EVL: variants seen among roughly 807,000 people sequenced by gnomAD.
EVL encodes the protein Enah/Vasp-like.
EVL carries 21 observed loss-of-function variants against 59.6 expected under a neutral mutation model. The ratio of observed to expected loss-of-function variants is 0.35; its 90% CI spans 0.25 to 0.51. EVL has a LOEUF of 0.51. Ranked by LOEUF, EVL falls within the 20% of genes least tolerant of loss-of-function variation. The probability of loss-of-function intolerance (pLI) is 0.97; values close to 1 mark genes in which losing one functional copy is unlikely to be tolerated. For missense variants in EVL, 462 were observed against 546.6 expected (o/e 0.85, Z 1.54); for synonymous variants, 198 against 203.5 (o/e 0.97, Z 0.23).
At chr14:99,991,729 T>G (rs1029832776) in intron 1 of EVL, among the ~76,000 whole-genome samples, 3 of 152,134 alleles carry the variant, frequency 2.0e-5, no homozygotes, top group Non-Finnish European at 4.4e-5. Context: ...TGCCAGCAAG[T>G]ATGCTTGGGG....
intron 1 of EVL, among the ~76,000 whole-genome samples, chr14:99,987,332 G>T (rs2060845922): frequency 6.6e-6 from 1 of 152,156 alleles, no homozygotes; most frequent in Admixed American, 6.6e-5. Flanking sequence ...TCATATATGG[G>T]ATTAGTGTCC....
At chr14:100,124,936 C>T (rs1395218038) in intron 4 of EVL, among the ~76,000 whole-genome samples, 2 of 151,622 alleles carry the variant, frequency 1.3e-5, no homozygotes, top group Non-Finnish European at 2.9e-5. Flanking sequence ...ACACACATAG[C>T]TGCCCCCAGA....
intron 2 of EVL, among the ~76,000 whole-genome samples, chr14:100,093,642 G>A (rs186212147): frequency 1.1e-3 from 170 of 152,232 alleles, no homozygotes; most frequent in African/African-American, 3.8e-3. Context: ...TACAGAACTG[G>A]GATACGTCCT....
At position 100,108,123 on chromosome 14, in the gene EVL, T is replaced by C. The variant is rs1361091336; in HGVS notation, c.358+10465T>C. On this transcript the variant is annotated intron_variant, in intron 3 of 13. Coordinates refer to ENST00000392920, the MANE Select transcript of EVL (RefSeq NM_016337.3). The surrounding 1 kb of genome is among the most constrained non-coding windows in gnomAD (Gnocchi z 4.1). Reference sequence around the variant, plus strand: ...GTTTTTCAACCTCTTATGTCCTTCATTGATGCCCAGTGGCCCAGGGGCTGC... The same window carrying C: ...GTTTTTCAACCTCTTATGTCCTTCACTGATGCCCAGTGGCCCAGGGGCTGC... 2 of 152,208 alleles carry C rather than the reference T, an allele frequency of 1.3e-5. No homozygotes were observed. The highest frequency in any genetic ancestry group is 6.5e-5 in the Admixed American group (1 of 15,288). The allele number at this position is 152,208 out of a possible 1,614,324, so 9.4% of individuals were successfully genotyped here.
intron 1 of EVL, among the ~76,000 whole-genome samples, chr14:100,028,742 C>T (rs1218631561): frequency 2.6e-5 from 4 of 152,234 alleles, no homozygotes; most frequent in East Asian, 1.9e-4. Flanking sequence ...ACCCAGGAGG[C>T]GCAGGTTGCA....
At chr14:100,136,537 A>T (rs948036873) in intron 9 of EVL, among the ~76,000 whole-genome samples, 3 of 152,076 alleles carry the variant, frequency 2.0e-5, no homozygotes, top group African/African-American at 4.8e-5. Context: ...CATTCGACAA[A>T]CATCTTTGCA....
intron 11 of EVL, 22 bp downstream of exon 11, chr14:100,137,824 C>T (rs1408829326): frequency 1.2e-6 from 2 of 1,612,886 alleles, no homozygotes; most frequent in South Asian, 1.1e-5. Flanking sequence ...CCCTCCTGCT[C>T]ACATGTCCCC....
At chr14:100,101,903 A>G (rs1886246344) in intron 3 of EVL, among the ~76,000 whole-genome samples, 1 of 152,252 alleles carries the variant, frequency 6.6e-6, no homozygotes, top group Non-Finnish European at 1.5e-5. Flanking sequence ...CAGTGGCACT[A>G]TCTCGGCTTA....
intron 1 of EVL, among the ~76,000 whole-genome samples, chr14:100,044,850 T>C (rs932865533): frequency 2.6e-5 from 4 of 151,832 alleles, no homozygotes; most frequent in Non-Finnish European, 5.9e-5. Flanking sequence ...GGTGGGAGCT[T>C]GGAGGGGAGA....
At chr14:99,991,960 C>CTGTGTGTGTG (rs58443751) in intron 1 of EVL, among the ~76,000 whole-genome samples, 3,039 of 144,304 alleles carry the variant, frequency 0.021, 56 homozygotes, top group African/African-American at 0.03. Context: ...AGGGTCAACT[C>CTGTGTGTGTG]TGTGTGTGTG....
At position 100,128,691 on chromosome 14, in the gene EVL, C is replaced by G. The variant is rs1874736786; in HGVS notation, c.660C>G (p.Ser220Arg). Reference sequence around the variant, plus strand: ...CCCAGGGGTCCAGCCACGACGAGAGCTCCATGTCAGGACTGGCCGCTGCCA... The same window carrying G: ...CCCAGGGGTCCAGCCACGACGAGAGGTCCATGTCAGGACTGGCCGCTGCCA... ...GGAQGSSHDE[S>R]SMSGLAAAIA... The change falls in exon 6 of 14, where the codon AGC becomes AGG. Residue 220 changes from serine to arginine, a missense_variant. By Grantham distance (110) the Ser-to-Arg change is moderately radical. Transcript: ENST00000392920. The G allele has an allele frequency of 6.2e-7, 1 of 1,607,078 alleles. No individual in the cohort carries two copies. Among genetic ancestry groups the G allele is most frequent in the African/African-American group, 1.3e-5 (1 of 74,676 alleles).
chr14:100,004,800 C>T (rs1168781784), intron 1 of EVL, among the ~76,000 whole-genome samples: 1 of 152,120 alleles, frequency 6.6e-6, no homozygotes, highest in Non-Finnish European at 1.5e-5. Flanking sequence ...TTGTTTTATA[C>T]ATAACCTTTA....
rs767880608 is a variant in EVL at position 100,097,674 on chromosome 14, T to C, written c.358+16T>C. On this transcript the variant is annotated intron_variant, in intron 3 of 13. Transcript: ENST00000392920. ...CAAGAAGGAGGTAAGTAGGGCTTTGTCTTGGCCTGATGCTGAGACCCTCTC... is the reference window on the plus strand; with the variant it reads ...CAAGAAGGAGGTAAGTAGGGCTTTGCCTTGGCCTGATGCTGAGACCCTCTC... 6.3e-7 allele frequency: 1 copy of C among 1,592,402 alleles called. No individual in the cohort carries two copies. The highest frequency in any genetic ancestry group is 2.2e-5 in the East Asian group (1 of 44,574).
intron 1 of EVL, among the ~76,000 whole-genome samples, chr14:99,999,187 T>C: frequency 6.6e-6 from 1 of 152,154 alleles, no homozygotes; most frequent in East Asian, 1.9e-4. Flanking sequence ...CCCTTGCCAA[T>C]GGATATTTAG....
intron 3 of EVL, among the ~76,000 whole-genome samples, chr14:100,115,425 C>A (rs916894946): frequency 6.6e-6 from 1 of 152,254 alleles, no homozygotes; most frequent in Admixed American, 6.5e-5. Flanking sequence ...TGTCAGAACT[C>A]AAGCGCTTTT....
intron 1 of EVL, among the ~76,000 whole-genome samples, chr14:100,046,572 T>C: frequency 6.6e-6 from 1 of 151,038 alleles, no homozygotes; most frequent in Non-Finnish European, 1.5e-5. Context: ...GAGTCTGAGG[T>C]GGGAGGGTTG....
chr14:100,107,793 TGG>T (rs1886669737), intron 3 of EVL: 1 of 152,700 alleles, frequency 6.5e-6, no homozygotes, highest in Admixed American at 6.5e-5. Flanking sequence ...TTGAATGCAG[TGG>T]ATTTCAAACT....
chr14:100,034,593 CGGGCATGGT>C (rs2061361585), intron 1 of EVL, among the ~76,000 whole-genome samples: 1 of 151,608 alleles, frequency 6.6e-6, no homozygotes, highest in African/African-American at 2.4e-5. Context: ...AAAAATTAAC[CGGGCATGGT>C]GGTACATGCT....
intron 2 of EVL, among the ~76,000 whole-genome samples, chr14:100,085,278 T>C (rs2062415277): frequency 6.6e-6 from 1 of 152,180 alleles, no homozygotes; most frequent in South Asian, 2.1e-4. Flanking sequence ...GAACCTGGGG[T>C]CATTTCTCTC....
Sources: allele counts gnomAD v4.1 joint callset (sites outside exome capture counted in the v4.1 genomes callset), GRCh38; gene constraint gnomAD v4.1.1; non-coding constraint Gnocchi (gnomAD v3.1); transcripts MANE v1.5; gene names NCBI Gene and HGNC (gene_info 2026-07-23, HGNC 2026-07-21).